Variants in TRIM71 observed in about 807,000 individuals in gnomAD.
TRIM71 encodes E3 ubiquitin-protein ligase TRIM71.
TRIM71 carries 9 observed loss-of-function variants against 61.2 expected under a neutral mutation model. That is an observed-to-expected ratio of 0.15 (90% CI 0.09 to 0.26). The LOEUF (loss-of-function observed/expected upper bound fraction) is 0.26, where lower values mean the gene tolerates loss of function less well. TRIM71 is among the 10% of genes least tolerant of loss of function. The pLI is 1.00. For synonymous variants in TRIM71, 645 were observed against 553.2 expected (o/e 1.17, Z -2.33); for missense variants, 998 against 1,238.7 (o/e 0.81, Z 2.92).
At chr3:32,871,374 C>T (rs371880429) in intron 1 of TRIM71, among the ~76,000 whole-genome samples, 1 of 152,282 alleles carries the variant, frequency 6.6e-6, no homozygotes, top group East Asian at 1.9e-4. Context: ...AGGGAAAGAA[C>T]GGATGCGTTC....
intron 1 of TRIM71, among the ~76,000 whole-genome samples, chr3:32,871,604 C>T (rs1386352082): frequency 6.6e-6 from 1 of 152,102 alleles, no homozygotes; most frequent in Non-Finnish European, 1.5e-5. Context: ...AAGGGATTGG[C>T]CAGGAATTTT....
chr3:32,863,178 A>C (rs1696692698), intron 1 of TRIM71, among the ~76,000 whole-genome samples: 2 of 123,898 alleles, frequency 1.6e-5, no homozygotes, highest in African/African-American at 3.0e-5. Context: ...TTTGGGAGGG[A>C]GGAGTATTAA....
chr3:32,882,760 T>C (rs566538109), intron 2 of TRIM71, among the ~76,000 whole-genome samples: 118 of 152,270 alleles, frequency 7.7e-4, no homozygotes, highest in African/African-American at 2.8e-3. Flanking sequence ...CAGGCTGATC[T>C]CAAACTCGTG....
intron 1 of TRIM71, among the ~76,000 whole-genome samples, chr3:32,870,088 C>T (rs1368124067): frequency 1.3e-5 from 2 of 152,190 alleles, no homozygotes; most frequent in Non-Finnish European, 2.9e-5. Flanking sequence ...GAGAGAATTA[C>T]ATCCATGCAC....
At chr3:32,845,180 G>A (rs1394492769) in intron 1 of TRIM71, among the ~76,000 whole-genome samples, 2 of 152,198 alleles carry the variant, frequency 1.3e-5, no homozygotes, top group Non-Finnish European at 2.9e-5. Flanking sequence ...CTAATGCTGT[G>A]CTGTGGAGGG....
At chr3:32,828,170 C>G (rs1178675645) in intron 1 of TRIM71, among the ~76,000 whole-genome samples, 1 of 151,938 alleles carries the variant, frequency 6.6e-6, no homozygotes, top group Non-Finnish European at 1.5e-5. Context: ...TCTGTGCCCT[C>G]CGAGATCAGT....
At chr3:32,860,832 C>T (rs974288211) in intron 1 of TRIM71, among the ~76,000 whole-genome samples, 70 of 152,170 alleles carry the variant, frequency 4.6e-4, no homozygotes, top group Admixed American at 1.3e-3. Flanking sequence ...GTAGGTTTCC[C>T]ACTTTTGGAG....
chr3:32,844,134 T>A (rs2125679888), intron 1 of TRIM71, among the ~76,000 whole-genome samples: 1 of 152,292 alleles, frequency 6.6e-6, no homozygotes, highest in Non-Finnish European at 1.5e-5. Context: ...AATCAGCCCT[T>A]CCCTGGTTAA....
intron 1 of TRIM71, among the ~76,000 whole-genome samples, chr3:32,853,537 A>G (rs544715268): frequency 6.6e-6 from 1 of 152,230 alleles, no homozygotes; most frequent in African/African-American, 2.4e-5. Flanking sequence ...TAAATCACCT[A>G]TTTTTAAGGA....
rs76936551 is a variant in TRIM71 at position 32,874,370 on chromosome 3, A to T, written c.1020+385A>T. ...CTACTACTACTACTACTACTACTAC[A>T]ACATATTTTTTGAGATGAGTCTTGC... On this transcript the variant is annotated intron_variant, in intron 2 of 3. Coordinates refer to ENST00000383763, the MANE Select transcript of TRIM71 (RefSeq NM_001039111.3). Among the ~76,000 whole-genome samples, 2,354 of 145,288 alleles carry T rather than the reference A, an allele frequency of 0.016. 142 individuals are homozygous for T. In the East Asian group the frequency reaches 0.23, roughly 14 times the overall value.
intron 1 of TRIM71, among the ~76,000 whole-genome samples, chr3:32,863,640 G>C (rs1696698591): frequency 6.6e-6 from 1 of 152,054 alleles, no homozygotes; most frequent in African/African-American, 2.4e-5. Flanking sequence ...ACCAGTCTTA[G>C]TGCCTTTAAG....
chr3:32,847,436 C>A (rs910128717), intron 1 of TRIM71, among the ~76,000 whole-genome samples: 3 of 152,168 alleles, frequency 2.0e-5, no homozygotes, highest in Non-Finnish European at 4.4e-5. Context: ...TTCAGGTGAT[C>A]CGCCTGCCTT....
At chr3:32,874,088 A>G in intron 2 of TRIM71, 103 bp downstream of exon 2, 1 of 1,265,038 alleles carries the variant, frequency 7.9e-7, no homozygotes, top group Non-Finnish European at 1.1e-6. Context: ...TGGGGGGTGG[A>G]ATAGTGACCC....
At chr3:32,879,744 G>A (rs1249378291) in intron 2 of TRIM71, among the ~76,000 whole-genome samples, 8 of 151,684 alleles carry the variant, frequency 5.3e-5, no homozygotes, top group African/African-American at 9.7e-5. Flanking sequence ...AGGCTGAGGC[G>A]GGAGGATCAC....
At position 32,893,610 on chromosome 3, in the gene TRIM71, T is replaced by C. The variant is rs1413843274; in HGVS notation, c.*1799T>C. The C allele has an allele frequency of 6.6e-6, 1 of 152,218 alleles. No individual in the cohort carries two copies. The highest frequency in any genetic ancestry group is 1.5e-5 in the Non-Finnish European group (1 of 68,048). 9.4% of individuals were successfully genotyped at this position (152,218 alleles called of 1,614,324 possible). ...TTAAAGACTTATGGATCAACTTCTGTTCCTCTGTTTAAGAGAAATTTCTAT... is the reference window on the plus strand; with the variant it reads ...TTAAAGACTTATGGATCAACTTCTGCTCCTCTGTTTAAGAGAAATTTCTAT... On this transcript the variant is annotated 3_prime_UTR_variant, in exon 4 of 4. Transcript: ENST00000383763.
chr3:32,835,018 G>T (rs1364621372), intron 1 of TRIM71, among the ~76,000 whole-genome samples: 1 of 152,082 alleles, frequency 6.6e-6, no homozygotes, highest in Non-Finnish European at 1.5e-5. Context: ...TGCCTGTTGA[G>T]ATGTAAAACC....
intron 1 of TRIM71, among the ~76,000 whole-genome samples, chr3:32,825,601 C>A (rs1344881376): frequency 2.6e-5 from 4 of 152,140 alleles, no homozygotes; most frequent in African/African-American, 9.7e-5. Flanking sequence ...ATACTGCTTC[C>A]CCCCTTCTCC....
At chr3:32,844,031 C>G (rs944353935) in intron 1 of TRIM71, among the ~76,000 whole-genome samples, 1 of 152,116 alleles carries the variant, frequency 6.6e-6, no homozygotes, top group Admixed American at 6.5e-5. Flanking sequence ...CTATGAGAGC[C>G]GAAGTATTTT....
At position 32,891,809 on chromosome 3, in the gene TRIM71, T is replaced by TA; in HGVS notation, c.2607dup. 1.9e-6 allele frequency: 3 copies of TA among 1,613,824 alleles called. No individual in the cohort carries two copies. Among genetic ancestry groups the TA allele is most frequent in the South Asian group, 2.2e-5 (2 of 91,080 alleles). The change falls in exon 4 of 4, where the codon TAA becomes TAAA. Residue 869 remains the stop codon, a frameshift_variant and stop_retained_variant. Coordinates refer to ENST00000383763, the MANE Select transcript of TRIM71 (RefSeq NM_001039111.3). LOFTEE classifies it high-confidence loss of function. This position sits in a 1 kb window ranked among gnomAD's most constrained non-coding sequence, Gnocchi z 8.2. The part of the protein sequence containing the change: ...DFGNNRILVF[*] ...TGGCAACAATCGAATCCTCGTCTTC[T>TA]AATTGCATTTCCTAGGTTTCTGTGT... is the stretch of plus-strand genomic sequence containing the variant.
Sources: allele counts gnomAD v4.1 joint callset (sites outside exome capture counted in the v4.1 genomes callset), GRCh38; gene constraint gnomAD v4.1.1; non-coding constraint Gnocchi (gnomAD v3.1); transcripts MANE v1.5; gene names NCBI Gene and HGNC (gene_info 2026-07-23, HGNC 2026-07-21).